Variants in GRID2 observed in about 807,000 individuals in gnomAD.
The protein encoded by GRID2 is glutamate receptor ionotropic, delta-2.
In GRID2, 33 loss-of-function variants were observed where a neutral mutation model predicts 114.8. The ratio of observed to expected loss-of-function variants is 0.29; its 90% CI spans 0.22 to 0.38. The LOEUF (loss-of-function observed/expected upper bound fraction) is 0.38, where lower values mean the gene tolerates loss of function less well. GRID2 is among the 10% of genes least tolerant of loss of function. The probability of loss-of-function intolerance (pLI) is 1.00; values close to 1 mark genes in which losing one functional copy is unlikely to be tolerated. For synonymous variants in GRID2, 505 were observed against 449.9 expected (o/e 1.12, Z -1.55); for missense variants, 1,184 against 1,257.7 (o/e 0.94, Z 0.89).
At chr4:93,515,179 G>C (rs1202904625) in intron 12 of GRID2, 37 bp from the exon 13 acceptor site, 1 of 935,112 alleles carries the variant, frequency 1.1e-6, no homozygotes. Context: ...ACTCAGTAAT[G>C]TGTCTCTTGT....
intron 1 of GRID2, among the ~76,000 whole-genome samples, chr4:92,575,225 T>C (rs1283814302): frequency 2.0e-5 from 3 of 152,226 alleles, no homozygotes; most frequent in Non-Finnish European, 4.4e-5. Context: ...TGTTTTACCA[T>C]CATGCTTAGG....
In GRID2 at chr4:92,860,070, G is replaced by A. The variant is rs1235139859; in HGVS notation, c.245-224925G>A. Among the ~76,000 whole-genome samples, 5 of 152,098 alleles carry A rather than the reference G, an allele frequency of 3.3e-5. No individual in the cohort carries two copies. The East Asian group carries it at 9.6e-4, about 29-fold the overall frequency. ...TAGTACTTCACAAATATCATTTTAT[G>A]CAATACTTACAACAAACCAAAGAAT... On this transcript the variant is annotated intron_variant, in intron 2 of 15. Transcript: ENST00000282020.
chr4:93,595,409 G>A (rs995839562), intron 13 of GRID2, among the ~76,000 whole-genome samples: 3 of 152,130 alleles, frequency 2.0e-5, no homozygotes, highest in East Asian at 1.9e-4. Context: ...ACCCAGCCCT[G>A]TATTTACTTG....
At chr4:92,602,177 T>C (rs1342581256) in intron 2 of GRID2, among the ~76,000 whole-genome samples, 2 of 143,546 alleles carry the variant, frequency 1.4e-5, no homozygotes, top group Non-Finnish European at 3.0e-5. Context: ...CCAGCATCAC[T>C]GTGATACCAA....
chr4:92,608,241 C>T (rs1729554122), intron 2 of GRID2, among the ~76,000 whole-genome samples: 1 of 151,620 alleles, frequency 6.6e-6, no homozygotes, highest in Non-Finnish European at 1.5e-5. Context: ...ACTAGTGGTG[C>T]AATAGTGAAT....
At chr4:92,536,636 T>C (rs994952341) in intron 1 of GRID2, among the ~76,000 whole-genome samples, 1 of 152,206 alleles carries the variant, frequency 6.6e-6, no homozygotes, top group Non-Finnish European at 1.5e-5. Flanking sequence ...TGAATACATA[T>C]GTGAATATGG....
At chr4:92,783,778 A>G (rs1440488087) in intron 2 of GRID2, among the ~76,000 whole-genome samples, 1 of 151,920 alleles carries the variant, frequency 6.6e-6, no homozygotes, top group African/African-American at 2.4e-5. Context: ...CCTAGCTACT[A>G]TGGAGGCTGA....
At chr4:92,464,662 CAAGTTCATT>C (rs1721660004) in intron 1 of GRID2, among the ~76,000 whole-genome samples, 1 of 151,952 alleles carries the variant, frequency 6.6e-6, no homozygotes, top group African/African-American at 2.4e-5. Flanking sequence ...ACAAAAAAGA[CAAGTTCATT>C]AATCTCAAGC....
intron 13 of GRID2, among the ~76,000 whole-genome samples, chr4:93,532,902 A>G (rs1253051134): frequency 6.6e-6 from 1 of 152,138 alleles, no homozygotes; most frequent in Non-Finnish European, 1.5e-5. Context: ...TTTGCATATT[A>G]TTTGATAATA....
At chr4:92,583,403 T>C (rs1388419676) in intron 1 of GRID2, among the ~76,000 whole-genome samples, 1 of 151,928 alleles carries the variant, frequency 6.6e-6, no homozygotes, top group Non-Finnish European at 1.5e-5. Context: ...ACAATTAGAG[T>C]CATTGTTTTG....
At chr4:93,684,667 C>T (rs564373896) in intron 14 of GRID2, among the ~76,000 whole-genome samples, 2 of 152,108 alleles carry the variant, frequency 1.3e-5, no homozygotes, top group Admixed American at 6.6e-5. Context: ...CTGGCTAAAC[C>T]AGCCTTACAG....
chr4:93,174,081 A>G (rs1479567582), intron 4 of GRID2, among the ~76,000 whole-genome samples: 1 of 152,224 alleles, frequency 6.6e-6, no homozygotes, highest in Admixed American at 6.5e-5. Context: ...GAAAACTGGT[A>G]TTGATATAAT....
chr4:93,578,587 A>ATTTTTTTTTTTTTTT (rs59397408), intron 13 of GRID2, among the ~76,000 whole-genome samples: 34 of 83,928 alleles, frequency 4.1e-4, no homozygotes, highest in African/African-American at 7.2e-4. Flanking sequence ...TGTTTTTTGT[A>ATTTTTTTTTTTTTTT]TTTTTTTTTT....
intron 1 of GRID2, among the ~76,000 whole-genome samples, chr4:92,385,562 G>T (rs996618318): frequency 6.6e-6 from 1 of 151,354 alleles, no homozygotes; most frequent in Non-Finnish European, 1.5e-5. Context: ...AACAGGAATG[G>T]AATTCATAAA....
intron 8 of GRID2, among the ~76,000 whole-genome samples, chr4:93,392,530 A>G (rs181080816): frequency 2.0e-4 from 30 of 152,270 alleles, no homozygotes; most frequent in Admixed American, 5.9e-4. Flanking sequence ...TAATCAAACA[A>G]AAAAGCTTGA....
At chr4:92,979,789 T>C (rs1037293809) in intron 2 of GRID2, among the ~76,000 whole-genome samples, 2 of 152,164 alleles carry the variant, frequency 1.3e-5, no homozygotes, top group Admixed American at 6.6e-5. Context: ...CAGCTCACAT[T>C]GCTTGTGCAT....
intron 13 of GRID2, among the ~76,000 whole-genome samples, chr4:93,537,995 C>T (rs13129595): frequency 0.17 from 25,821 of 151,622 alleles, 2,765 homozygotes; most frequent in Middle Eastern, 0.28. Flanking sequence ...ATTTCTGCAA[C>T]GTGAAACTAT....
intron 1 of GRID2, among the ~76,000 whole-genome samples, chr4:92,390,223 T>C (rs569068669): frequency 1.3e-5 from 2 of 152,290 alleles, no homozygotes; most frequent in African/African-American, 4.8e-5. Flanking sequence ...TACCTTCATG[T>C]ACTCACTTCA....
At chr4:93,441,644 AT>A (rs1168724979) in intron 10 of GRID2, among the ~76,000 whole-genome samples, 3 of 151,792 alleles carry the variant, frequency 2.0e-5, no homozygotes, top group East Asian at 2.0e-4. Context: ...CATTTAAAGG[AT>A]TTTTTTTAAC....
Sources: allele counts gnomAD v4.1 joint callset (sites outside exome capture counted in the v4.1 genomes callset), GRCh38; gene constraint gnomAD v4.1.1; transcripts MANE v1.5; gene names NCBI Gene and HGNC (gene_info 2026-07-23, HGNC 2026-07-21).